The following MED15 variants were observed in gnomAD, a reference collection of about 807,000 sequenced individuals.
The protein encoded by MED15 is mediator complex subunit 15.
A neutral mutation model predicts 118.7 loss-of-function variants in MED15; 41 were observed. The observed-to-expected ratio is 0.35, with a 90% CI of 0.27 to 0.45. The LOEUF is 0.45. Among genes scored for constraint, MED15 ranks in the 20% least tolerant of loss-of-function variants. MED15 has a pLI of 1.00. For synonymous variants in MED15, 436 were observed against 413.9 expected (o/e 1.05, Z -0.65); for missense variants, 740 against 1,025.5 (o/e 0.72, Z 3.80).
chr22:20,564,595 G>A lies in MED15; in HGVS notation c.597G>A (p.Gln199=). 1.9e-6 allele frequency: 3 copies of A among 1,611,176 alleles called. No individual in the cohort carries two copies. The highest frequency in any genetic ancestry group is 2.5e-6 in the Non-Finnish European group (3 of 1,178,338). The stretch of plus-strand genomic sequence containing the variant: ...CTCAGCAGAGTGCCATGCAGCAGCA[G>A]TTCCAAGCAGTAGTGCAGCAGCAGC... ...FQAQQSAMQQ[Q]FQAVVQQQQQ... is the part of the protein sequence containing the mutation. The change falls in exon 6 of 18, where the codon CAG becomes CAA. Residue 199 remains glutamine, a synonymous_variant. Coordinates refer to ENST00000263205, the MANE Select transcript of MED15 (RefSeq NM_001003891.3).
At position 20,523,735 on chromosome 22, in the gene MED15, ACT is replaced by A. The variant is rs570582181; in HGVS notation, c.69-13379_69-13378del. On this transcript the variant is annotated intron_variant, in intron 1 of 17. Coordinates refer to ENST00000263205, the MANE Select transcript of MED15 (RefSeq NM_001003891.3). ...GGACAGAGATCTCGAGGCCTTTCCA[ACT>A]CTGCTGGTTCTTCAGAAGTCAAACC... 506 of 985,332 alleles carry A rather than the reference ACT, an allele frequency of 5.1e-4. 3 individuals carry two copies. In the African/African-American group the frequency reaches 7.8e-3, roughly 15 times the overall value. The allele number at this position is 985,332 out of a possible 1,614,324, so 61.0% of individuals were successfully genotyped here.
chr22:20,550,587 A>G (rs2055729172), intron 2 of MED15, among the ~76,000 whole-genome samples: 1 of 152,256 alleles, frequency 6.6e-6, no homozygotes, highest in African/African-American at 2.4e-5. Flanking sequence ...CAGGGCACGG[A>G]GCCGGGGCTT....
In MED15 at chr22:20,587,310, C is replaced by T. The variant is rs538459410; in HGVS notation, c.*606C>T. The T allele has an allele frequency of 7.6e-4, 119 of 157,174 alleles. No homozygotes were observed. The highest frequency in any genetic ancestry group is 6.0e-4 in the African/African-American group (25 of 41,662). 9.7% of individuals were successfully genotyped at this position (157,174 alleles called of 1,614,324 possible). A position where few individuals can be genotyped will look rare whatever the true frequency, so the allele number is the denominator to read the frequency against. On this transcript the variant is annotated 3_prime_UTR_variant, in exon 18 of 18. Coordinates refer to ENST00000263205, the MANE Select transcript of MED15 (RefSeq NM_001003891.3). The stretch of plus-strand genomic sequence containing the variant: ...CCCTCACGGCATTCCTGCTGAGCAC[C>T]GTGGGGCACCCAGGGAGCAGGGGCG...
chr22:20,515,473 A>C (rs886603542), intron 1 of MED15, among the ~76,000 whole-genome samples: 9 of 152,098 alleles, frequency 5.9e-5, no homozygotes, highest in African/African-American at 2.4e-5. Flanking sequence ...TAAAAAAAAA[A>C]AATTGCCAAA....
chr22:20,541,835 A>G (rs1352490802), intron 2 of MED15, among the ~76,000 whole-genome samples: 1 of 152,102 alleles, frequency 6.6e-6, no homozygotes, highest in East Asian at 1.9e-4. Flanking sequence ...TTTTTAGTAG[A>G]GACAGGGTTT....
intron 1 of MED15, among the ~76,000 whole-genome samples, chr22:20,519,271 A>G (rs11913315): frequency 0.11 from 16,545 of 152,092 alleles, 1,259 homozygotes; most frequent in Non-Finnish European, 0.15. Flanking sequence ...GTTCGCCTCA[A>G]CTTTAGTAAT....
chr22:20,568,843 A>G (rs924399214), intron 8 of MED15, among the ~76,000 whole-genome samples: 9 of 152,184 alleles, frequency 5.9e-5, no homozygotes, highest in African/African-American at 2.2e-4. Context: ...CACCAGCCGC[A>G]TAGTGCGTGT....
At chr22:20,525,619 C>G (rs991302366) in intron 1 of MED15, among the ~76,000 whole-genome samples, 2 of 147,068 alleles carry the variant, frequency 1.4e-5, no homozygotes, top group Non-Finnish European at 3.0e-5. Flanking sequence ...TCACTGCAAA[C>G]TCCACCTCCC....
chr22:20,554,745 A>G, intron 4 of MED15, 191 bp from the exon 5 acceptor site: 1 of 584,376 alleles, frequency 1.7e-6, no homozygotes, highest in Admixed American at 3.1e-5. Context: ...TCATGCAGTG[A>G]CCAACACACC....
chr22:20,576,061 T>C (rs936489622), intron 9 of MED15, among the ~76,000 whole-genome samples: 1 of 152,244 alleles, frequency 6.6e-6, no homozygotes, highest in Non-Finnish European at 1.5e-5. Flanking sequence ...GCTTCTTTTA[T>C]TGTATGAAAT....
In MED15 at chr22:20,511,988, C is replaced by CTTTT. The variant is rs746240328; in HGVS notation, c.68+4256_68+4259dup. 5.4e-5 allele frequency among the ~76,000 whole-genome samples: 5 copies of CTTTT among 92,196 alleles called. 1 individual carries two copies. Among genetic ancestry groups the CTTTT allele is most frequent in the Non-Finnish European group, 5.9e-5 (3 of 50,682 alleles). 60.5% of individuals were successfully genotyped at this position (92,196 alleles called of 152,430 possible). ...CTTTCAGCTTCTTGAACATTCTAAGCTTTTTTTTTTTTTTTTTGGAGACAA... is the reference window on the plus strand; with the variant it reads ...CTTTCAGCTTCTTGAACATTCTAAGCTTTTTTTTTTTTTTTTTTTTTGGAGACAA... On this transcript the variant is annotated intron_variant, in intron 1 of 17. Coordinates refer to ENST00000263205, the MANE Select transcript of MED15 (RefSeq NM_001003891.3).
chr22:20,518,200 CT>C (rs2054321411), intron 1 of MED15, among the ~76,000 whole-genome samples: 1 of 140,214 alleles, frequency 7.1e-6, no homozygotes, highest in Non-Finnish European at 1.6e-5. Context: ...TTAATTTTTT[CT>C]TTGTTTGAGA....
Position 20,583,333 on chromosome 22 carries a change from GA to G in MED15, c.1682del (p.Lys561ArgfsTer3). The G allele has an allele frequency of 6.2e-7, 1 of 1,613,218 alleles. No homozygotes were observed. ...MINKIDKNEDRKKDLSKMKSL... is the reference protein window; with the variant it reads ...MINKIDKNEDXKKDLSKMKSL... ...TGTGTACCCTCTTCTGTCCCAGACAGAAAAAAGGACCTGAGTAAGATGAAGA... is the reference window on the plus strand; with the variant it reads ...TGTGTACCCTCTTCTGTCCCAGACAGAAAAAGGACCTGAGTAAGATGAAGA... On this transcript the variant is annotated frameshift_variant, in exon 13 of 18. Transcript: ENST00000263205. LOFTEE classifies it high-confidence loss of function.
chr22:20,584,258 G>C lies in MED15; in HGVS notation c.1737-101G>C, dbSNP rs1363707521. The C allele has an allele frequency of 9.9e-6, 12 of 1,213,674 alleles. No individual in the cohort carries two copies. The East Asian group carries it at 1.2e-4, about 12-fold the overall frequency. The allele number at this position is 1,213,674 out of a possible 1,614,324, so 75.2% of individuals were successfully genotyped here. A position where few individuals can be genotyped will look rare whatever the true frequency, so the allele number is the denominator to read the frequency against. The stretch of plus-strand genomic sequence containing the variant: ...TGGTCAACTGGTAGGAGCTCCTGCA[G>C]AGGTTTCTGATGGCTGAGGCCCAGT... On this transcript the variant is annotated intron_variant, in intron 13 of 17. Transcript: ENST00000263205.
intron 11 of MED15, 25 bp downstream of exon 11, chr22:20,582,992 G>C: frequency 6.2e-7 from 1 of 1,607,442 alleles, no homozygotes; most frequent in Non-Finnish European, 8.5e-7. Flanking sequence ...AGGTGCTAAG[G>C]TCACTCCTCA....
At chr22:20,580,721 C>A (rs1569247686) in intron 9 of MED15, among the ~76,000 whole-genome samples, 1 of 152,144 alleles carries the variant, frequency 6.6e-6, no homozygotes, top group Non-Finnish European at 1.5e-5. Flanking sequence ...AACATGTGTT[C>A]CGGTGTCTGG....
intron 1 of MED15, among the ~76,000 whole-genome samples, chr22:20,529,146 C>T (rs1016308997): frequency 1.3e-5 from 2 of 152,306 alleles, no homozygotes; most frequent in Non-Finnish European, 2.9e-5. Flanking sequence ...CATTTCCATT[C>T]TTCCTGGTTT....
intron 2 of MED15, among the ~76,000 whole-genome samples, chr22:20,546,478 T>C (rs1430966733): frequency 1.3e-5 from 2 of 152,064 alleles, no homozygotes; most frequent in Non-Finnish European, 2.9e-5. Context: ...AATTCTGGCT[T>C]TTCTCCCACA....
In MED15 at chr22:20,564,880, C is replaced by T. The variant is rs574463892; in HGVS notation, c.690+192C>T. 1.5e-3 allele frequency among the ~76,000 whole-genome samples: 230 copies of T among 152,350 alleles called. 1 individual carries two copies. Among genetic ancestry groups the T allele is most frequent in the Middle Eastern group, 0.01 (3 of 294 alleles). On this transcript the variant is annotated intron_variant, in intron 6 of 17. Transcript: ENST00000263205. ...GCCCAGTGGCTCATGCCTGTAATCCCAGCACTTTGGGAGGCCAAGGCAGGC... is the reference window on the plus strand; with the variant it reads ...GCCCAGTGGCTCATGCCTGTAATCCTAGCACTTTGGGAGGCCAAGGCAGGC...
Sources: allele counts gnomAD v4.1 joint callset (sites outside exome capture counted in the v4.1 genomes callset), GRCh38; gene constraint gnomAD v4.1.1; transcripts MANE v1.5; gene names NCBI Gene and HGNC (gene_info 2026-07-23, HGNC 2026-07-21).